MBNL1: variants seen among roughly 807,000 people sequenced by gnomAD.
MBNL1 encodes muscleblind-like protein 1.
Under a neutral mutation model 42.2 loss-of-function variants are expected in MBNL1, and 8 were observed. The ratio of observed to expected loss-of-function variants is 0.19; its 90% CI spans 0.11 to 0.34. The LOEUF (loss-of-function observed/expected upper bound fraction) is 0.34. Ranked by LOEUF, MBNL1 falls within the 10% of genes least tolerant of loss-of-function variation. The probability of loss-of-function intolerance (pLI) is 1.00; values close to 1 mark genes in which losing one functional copy is unlikely to be tolerated. For missense variants in MBNL1, 309 were observed against 495.3 expected (o/e 0.62, Z 3.57); for synonymous variants, 169 against 173.9 (o/e 0.97, Z 0.22).
In MBNL1 at chr3:152,393,326, A is replaced by G. The variant is rs575902578; in HGVS notation, c.175-21615A>G. ...ACAAATTAGCTTGCAGCTACAGTCT[A>G]TCTTAGAGAATTTCTTGATATCCAA... On this transcript the variant is annotated intron_variant, in intron 2 of 9. Coordinates refer to ENST00000324210, the MANE Select transcript of MBNL1 (RefSeq NM_021038.5). Among the ~76,000 whole-genome samples, 267 of 152,388 alleles carry G rather than the reference A, an allele frequency of 1.8e-3. 1 individual carries two copies. The highest frequency in any genetic ancestry group is 6.0e-3 in the African/African-American group (248 of 41,586).
At chr3:152,344,669 A>G (rs1462507324) in intron 2 of MBNL1, among the ~76,000 whole-genome samples, 1 of 152,184 alleles carries the variant, frequency 6.6e-6, no homozygotes, top group Non-Finnish European at 1.5e-5. Flanking sequence ...CTAAGTTAAT[A>G]TTACACATTT....
At chr3:152,428,398 C>G (rs895671230) in intron 3 of MBNL1, among the ~76,000 whole-genome samples, 2 of 152,010 alleles carry the variant, frequency 1.3e-5, no homozygotes, top group African/African-American at 4.8e-5. Flanking sequence ...TATGCTGATT[C>G]GAGTAATTAG....
chr3:152,291,070 G>A (rs562102327), intron 1 of MBNL1, among the ~76,000 whole-genome samples: 2 of 152,214 alleles, frequency 1.3e-5, no homozygotes, highest in East Asian at 1.9e-4. Context: ...GTCTACCTGA[G>A]GCTAACAAGA....
intron 4 of MBNL1, among the ~76,000 whole-genome samples, chr3:152,434,178 C>T (rs3852014): frequency 0.49 from 74,925 of 151,928 alleles, 18,847 homozygotes; most frequent in Middle Eastern, 0.61. Context: ...CCAATAGGTA[C>T]TTTTTCTGAT....
At chr3:152,288,276 A>C (rs2053769126) in intron 1 of MBNL1, among the ~76,000 whole-genome samples, 1 of 152,362 alleles carries the variant, frequency 6.6e-6, no homozygotes, top group South Asian at 2.1e-4. Flanking sequence ...GCAAAGGCAT[A>C]ATCATATAAG....
intron 1 of MBNL1, among the ~76,000 whole-genome samples, chr3:152,272,245 T>C (rs936002254): frequency 3.3e-5 from 5 of 152,154 alleles, no homozygotes; most frequent in Non-Finnish European, 7.4e-5. Flanking sequence ...GTCTTTCTTA[T>C]CCATTGTAAC....
chr3:152,403,718 T>G (rs1246905573), intron 2 of MBNL1, among the ~76,000 whole-genome samples: 1 of 152,174 alleles, frequency 6.6e-6, no homozygotes. Context: ...TGCTTTTTTT[T>G]GCCTCAAGAG....
chr3:152,313,168 G>A (rs1179562504), intron 2 of MBNL1, among the ~76,000 whole-genome samples: 5 of 151,976 alleles, frequency 3.3e-5, no homozygotes, highest in African/African-American at 9.7e-5. Context: ...AATTACAGGC[G>A]TGCACCACCA....
At chr3:152,270,052 A>G (rs576441659) in intron 1 of MBNL1, among the ~76,000 whole-genome samples, 271 of 151,990 alleles carry the variant, frequency 1.8e-3, no homozygotes, top group Non-Finnish European at 3.1e-3. Context: ...ACAGCACTTT[A>G]CAACTACAGG....
chr3:152,422,818 G>C (rs2098829265), intron 3 of MBNL1, among the ~76,000 whole-genome samples: 1 of 152,186 alleles, frequency 6.6e-6, no homozygotes, highest in Admixed American at 6.5e-5. Context: ...CAACCACATG[G>C]AAACTGAACA....
At chr3:152,445,653 A>C in intron 5 of MBNL1, 114 bp downstream of exon 5, 2 of 1,149,882 alleles carry the variant, frequency 1.7e-6, no homozygotes, top group Non-Finnish European at 2.4e-6. Flanking sequence ...TGCTGAAGAT[A>C]TGTTTGTTCA....
intron 1 of MBNL1, among the ~76,000 whole-genome samples, chr3:152,289,203 T>A (rs2054379834): frequency 6.6e-6 from 1 of 152,094 alleles, no homozygotes. Context: ...CAGCATTGAT[T>A]AAAAGAGTGA....
At chr3:152,366,269 T>C (rs1261397000) in intron 2 of MBNL1, among the ~76,000 whole-genome samples, 1 of 152,194 alleles carries the variant, frequency 6.6e-6, no homozygotes, top group Non-Finnish European at 1.5e-5. Context: ...AAGTGTCTTA[T>C]TCTGATGTTA....
At chr3:152,377,927 T>C (rs1465259258) in intron 2 of MBNL1, among the ~76,000 whole-genome samples, 2 of 152,210 alleles carry the variant, frequency 1.3e-5, no homozygotes, top group African/African-American at 4.8e-5. Flanking sequence ...ATTAGTGTTA[T>C]AACTAAATGA....
chr3:152,320,850 T>G (rs532183086), intron 2 of MBNL1, among the ~76,000 whole-genome samples: 2 of 152,134 alleles, frequency 1.3e-5, no homozygotes, highest in African/African-American at 2.4e-5. Flanking sequence ...ATACGGTATT[T>G]GTCAAGGGAT....
At chr3:152,293,718 A>G (rs1315540962) in intron 1 of MBNL1, among the ~76,000 whole-genome samples, 4 of 152,236 alleles carry the variant, frequency 2.6e-5, no homozygotes, top group African/African-American at 9.6e-5. Context: ...AGCATATTAA[A>G]TAAAATTCTT....
chr3:152,248,654 A>G (rs1047349289), intron 2 of MBNL1, among the ~76,000 whole-genome samples: 1 of 151,958 alleles, frequency 6.6e-6, no homozygotes, highest in Non-Finnish European at 1.5e-5. Flanking sequence ...TTTAGGGTAC[A>G]TGTGCACAAT....
intron 4 of MBNL1, among the ~76,000 whole-genome samples, chr3:152,436,860 A>G (rs948968691): frequency 2.0e-5 from 3 of 152,120 alleles, no homozygotes; most frequent in East Asian, 1.9e-4. Context: ...TTTCCCTTTT[A>G]TCTGAATCCT....
At chr3:152,417,283 G>A (rs997423956) in intron 3 of MBNL1, among the ~76,000 whole-genome samples, 2 of 152,160 alleles carry the variant, frequency 1.3e-5, no homozygotes, top group Non-Finnish European at 2.9e-5. Flanking sequence ...GGAGTTTAAT[G>A]TGGGCCTTAC....
Sources: allele counts gnomAD v4.1 joint callset (sites outside exome capture counted in the v4.1 genomes callset), GRCh38; gene constraint gnomAD v4.1.1; transcripts MANE v1.5; gene names NCBI Gene and HGNC (gene_info 2026-07-23, HGNC 2026-07-21).